ANKRD33B: variants seen among roughly 807,000 people sequenced by gnomAD.
The protein encoded by ANKRD33B is ankyrin repeat domain-containing protein 33B.
ANKRD33B carries 6 observed loss-of-function variants against 21.5 expected under a neutral mutation model. The ratio of observed to expected loss-of-function variants is 0.28; its 90% CI spans 0.15 to 0.55. ANKRD33B has a LOEUF of 0.55. Among genes scored for constraint, ANKRD33B ranks in the 20% least tolerant of loss-of-function variants. The pLI is 0.94. For synonymous variants in ANKRD33B, 347 were observed against 342.4 expected (o/e 1.01, Z -0.15); for missense variants, 698 against 747.2 (o/e 0.93, Z 0.77).
At chr5:10,615,895 G>A (rs1376877738) in intron 1 of ANKRD33B, among the ~76,000 whole-genome samples, 1 of 152,220 alleles carries the variant, frequency 6.6e-6, no homozygotes, top group African/African-American at 2.4e-5. Context: ...GAGAATGGAG[G>A]TGGTGGTGGC....
intron 1 of ANKRD33B, among the ~76,000 whole-genome samples, chr5:10,617,096 A>C (rs754191419): frequency 4.0e-5 from 6 of 151,208 alleles, no homozygotes; most frequent in Non-Finnish European, 8.8e-5. Flanking sequence ...ATTCATGAGG[A>C]CTCCACCCTC....
intron 2 of ANKRD33B, among the ~76,000 whole-genome samples, chr5:10,624,573 T>C (rs992582868): frequency 2.6e-5 from 4 of 152,212 alleles, no homozygotes; most frequent in Non-Finnish European, 4.4e-5. Flanking sequence ...CCTGAGGCTT[T>C]GGGACTGAAT....
chr5:10,567,071 A>G (rs1335477064), intron 1 of ANKRD33B, among the ~76,000 whole-genome samples: 4 of 152,144 alleles, frequency 2.6e-5, no homozygotes, highest in South Asian at 4.2e-4. Flanking sequence ...TCTCTGTGTC[A>G]CGTAAAATAA....
intron 2 of ANKRD33B, among the ~76,000 whole-genome samples, chr5:10,621,961 C>T (rs1024999636): frequency 2.0e-5 from 3 of 152,170 alleles, no homozygotes; most frequent in Admixed American, 6.5e-5. Context: ...GACCAGAGCT[C>T]GCTCCTTCCC....
chr5:10,585,701 C>T (rs187370753), intron 1 of ANKRD33B, among the ~76,000 whole-genome samples: 46 of 152,276 alleles, frequency 3.0e-4, no homozygotes, highest in Admixed American at 9.1e-4. Flanking sequence ...AGACAATGCC[C>T]GGGCCCAGGT....
chr5:10,618,806 G>A (rs1236852381), intron 2 of ANKRD33B, among the ~76,000 whole-genome samples: 1 of 152,224 alleles, frequency 6.6e-6, no homozygotes, highest in African/African-American at 2.4e-5. Flanking sequence ...ACCAGTGGAA[G>A]AGACACAATC....
intron 1 of ANKRD33B, among the ~76,000 whole-genome samples, chr5:10,580,450 G>A (rs904593115): frequency 3.3e-5 from 5 of 152,168 alleles, no homozygotes; most frequent in African/African-American, 7.2e-5. Context: ...ACCCTCCAGC[G>A]GATTATGTTG....
intron 2 of ANKRD33B, chr5:10,625,169 T>G (rs767074792): frequency 1.7e-5 from 3 of 174,486 alleles, no homozygotes; most frequent in African/African-American, 2.4e-5. Context: ...AGAGGCTGTT[T>G]AGGCCCAATC....
intron 2 of ANKRD33B, among the ~76,000 whole-genome samples, chr5:10,635,242 G>A (rs1163873780): frequency 6.6e-6 from 1 of 152,166 alleles, no homozygotes; most frequent in African/African-American, 2.4e-5. Context: ...GGCTCCAAAG[G>A]AATTGCAATT....
At chr5:10,615,471 C>T (rs1736264361) in intron 1 of ANKRD33B, among the ~76,000 whole-genome samples, 1 of 152,116 alleles carries the variant, frequency 6.6e-6, no homozygotes, top group Non-Finnish European at 1.5e-5. Context: ...TAAATAATGA[C>T]AATTCTACCC....
At chr5:10,591,195 G>GTTTTTTTTTT (rs112409223) in intron 1 of ANKRD33B, among the ~76,000 whole-genome samples, 9 of 132,050 alleles carry the variant, frequency 6.8e-5, no homozygotes, top group Non-Finnish European at 1.1e-4. Flanking sequence ...TTTTTTAGTG[G>GTTTTTTTTTT]TTTTTTTTTT....
At chr5:10,591,913 AGT>A (rs1735703630) in intron 1 of ANKRD33B, among the ~76,000 whole-genome samples, 1 of 152,138 alleles carries the variant, frequency 6.6e-6, no homozygotes, top group Admixed American at 6.5e-5. Context: ...GTATTTATAT[AGT>A]AACTTACATT....
At chr5:10,594,154 C>A (rs1243998023) in intron 1 of ANKRD33B, among the ~76,000 whole-genome samples, 2 of 145,202 alleles carry the variant, frequency 1.4e-5, no homozygotes, top group Non-Finnish European at 3.0e-5. Flanking sequence ...TTAAAGAGAT[C>A]ATGTATTTAT....
At chr5:10,626,536 A>G (rs1397833793) in intron 2 of ANKRD33B, among the ~76,000 whole-genome samples, 1 of 152,234 alleles carries the variant, frequency 6.6e-6, no homozygotes, top group Non-Finnish European at 1.5e-5. Flanking sequence ...CCACAAGGAC[A>G]CTGCCTTCTC....
At chr5:10,610,403 C>G (rs1008660428) in intron 1 of ANKRD33B, among the ~76,000 whole-genome samples, 2 of 143,038 alleles carry the variant, frequency 1.4e-5, no homozygotes, top group Admixed American at 6.8e-5. Flanking sequence ...AGGGGACAGC[C>G]CCCCCCCCGA....
At chr5:10,645,745 G>C (rs776927691) in intron 3 of ANKRD33B, among the ~76,000 whole-genome samples, 1 of 152,196 alleles carries the variant, frequency 6.6e-6, no homozygotes, top group Non-Finnish European at 1.5e-5. Flanking sequence ...GGTCCCTTTC[G>C]TCAGGAGGCA....
At chr5:10,618,131 C>CT (rs1296117517) in intron 1 of ANKRD33B, among the ~76,000 whole-genome samples, 1 of 152,226 alleles carries the variant, frequency 6.6e-6, no homozygotes, top group Non-Finnish European at 1.5e-5. Flanking sequence ...TAGGCCCTCA[C>CT]TCGAGTCAGT....
chr5:10,617,712 C>G (rs1374822749), intron 1 of ANKRD33B, among the ~76,000 whole-genome samples: 2 of 152,166 alleles, frequency 1.3e-5, no homozygotes, highest in Non-Finnish European at 2.9e-5. Flanking sequence ...TCTCTGAGAC[C>G]TCCTGTTGCC....
chr5:10,649,196 C>T, intron 3 of ANKRD33B, 70 bp from the exon 4 acceptor site: 1 of 1,460,718 alleles, frequency 6.8e-7, no homozygotes, highest in South Asian at 1.4e-5. Context: ...GCCTTTGCCC[C>T]AGGCTCTGCC....
Sources: gnomAD v4.1 joint callset for allele counts (sites outside exome capture counted in the v4.1 genomes callset) on GRCh38, gnomAD v4.1.1 for gene constraint, MANE v1.5 for transcripts, NCBI Gene and HGNC (gene_info 2026-07-23, HGNC 2026-07-21) for gene names.